Variants in ARL15 observed in about 807,000 individuals in gnomAD.
The protein encoded by ARL15 is ARF like GTPase 15, also known as ADP-ribosylation factor-like protein 15.
A neutral mutation model predicts 25.2 loss-of-function variants in ARL15; 19 were observed. The observed-to-expected ratio is 0.75, with a 90% CI of 0.53 to 1.10. The LOEUF (loss-of-function observed/expected upper bound fraction) is 1.10. Among genes scored for constraint, ARL15 ranks in the 50% least tolerant of loss-of-function variants. ARL15 has a pLI of 0.00. For missense variants in ARL15, 220 were observed against 246.0 expected (o/e 0.89, Z 0.71); for synonymous variants, 94 against 86.8 (o/e 1.08, Z -0.46).
chr5:54,169,303 A>G (rs918268850), intron 2 of ARL15, among the ~76,000 whole-genome samples: 13 of 152,200 alleles, frequency 8.5e-5, no homozygotes, highest in African/African-American at 3.1e-4. Context: ...GATTGAAAAG[A>G]CTTAAGCTAA....
chr5:54,306,013 T>A (rs1271214883), intron 1 of ARL15, among the ~76,000 whole-genome samples: 1 of 151,990 alleles, frequency 6.6e-6, no homozygotes, highest in African/African-American at 2.4e-5. Flanking sequence ...AAGAAGCACA[T>A]CAGAAGCTAC....
intron 4 of ARL15, among the ~76,000 whole-genome samples, chr5:54,102,037 G>C (rs1752453101): frequency 7.0e-6 from 1 of 142,512 alleles, no homozygotes; most frequent in Non-Finnish European, 1.5e-5. Context: ...TTTTGAGACA[G>C]AGTCTCACTC....
chr5:54,254,081 T>A (rs1757307198), intron 1 of ARL15, among the ~76,000 whole-genome samples: 1 of 152,232 alleles, frequency 6.6e-6, no homozygotes, highest in Non-Finnish European at 1.5e-5. Context: ...CTATTCTGCA[T>A]AAATTTTCTT....
At chr5:54,305,265 C>T (rs1423323957) in intron 1 of ARL15, among the ~76,000 whole-genome samples, 2 of 152,024 alleles carry the variant, frequency 1.3e-5, no homozygotes, top group Admixed American at 6.6e-5. Flanking sequence ...TTTGGGAGGT[C>T]GAGGCAGGTG....
At chr5:54,270,805 C>T (rs1158990669) in intron 1 of ARL15, among the ~76,000 whole-genome samples, 2 of 152,180 alleles carry the variant, frequency 1.3e-5, no homozygotes, top group Non-Finnish European at 2.9e-5. Flanking sequence ...ATCTAGAAAC[C>T]TGTAAGGCAT....
chr5:53,943,629 C>T (rs1164962517), intron 4 of ARL15, among the ~76,000 whole-genome samples: 2 of 152,128 alleles, frequency 1.3e-5, no homozygotes, highest in African/African-American at 4.8e-5. Flanking sequence ...GATGAGGTTT[C>T]ACAGGTGGTA....
intron 3 of ARL15, among the ~76,000 whole-genome samples, chr5:54,153,179 T>A (rs530058960): frequency 6.6e-6 from 1 of 152,344 alleles, no homozygotes; most frequent in African/African-American, 2.4e-5. Context: ...GTAATATTAT[T>A]GTCACCAAGG....
intron 4 of ARL15, among the ~76,000 whole-genome samples, chr5:53,965,312 G>T (rs1747516791): frequency 6.6e-6 from 1 of 152,228 alleles, no homozygotes; most frequent in Admixed American, 6.5e-5. Context: ...GGTGGAAGAA[G>T]ATAAGTGGAA....
At chr5:54,061,073 T>C (rs1751047741) in intron 4 of ARL15, among the ~76,000 whole-genome samples, 2 of 151,982 alleles carry the variant, frequency 1.3e-5, no homozygotes, top group African/African-American at 4.8e-5. Context: ...ATGTCAGAGG[T>C]CTTCATGATA....
At chr5:54,060,422 G>C (rs71619989) in intron 4 of ARL15, among the ~76,000 whole-genome samples, 2,067 of 152,270 alleles carry the variant, frequency 0.014, 13 homozygotes, top group Admixed American at 0.021. Context: ...GCTACAGAGC[G>C]AGACACTGTA....
intron 4 of ARL15, among the ~76,000 whole-genome samples, chr5:54,090,860 G>A (rs184239855): frequency 1.3e-5 from 2 of 152,054 alleles, no homozygotes; most frequent in Non-Finnish European, 2.9e-5. Flanking sequence ...AACCACAAGG[G>A]GCTATAACAA....
intron 1 of ARL15, among the ~76,000 whole-genome samples, chr5:54,195,177 T>C (rs1755516677): frequency 6.6e-6 from 1 of 152,176 alleles, no homozygotes; most frequent in South Asian, 2.1e-4. Context: ...GTTGCTAATG[T>C]ACTATGTACT....
chr5:54,080,281 G>A (rs1751753856), intron 4 of ARL15, among the ~76,000 whole-genome samples: 1 of 152,148 alleles, frequency 6.6e-6, no homozygotes, highest in Non-Finnish European at 1.5e-5. Flanking sequence ...AGAGTTGAAA[G>A]GATTAGAGAC....
intron 1 of ARL15, among the ~76,000 whole-genome samples, chr5:54,281,848 G>C (rs927734147): frequency 2.6e-5 from 4 of 152,174 alleles, no homozygotes; most frequent in African/African-American, 9.7e-5. Context: ...CATTGTTTGT[G>C]AGATACATCC....
At chr5:54,061,611 A>C (rs1373413008) in intron 4 of ARL15, among the ~76,000 whole-genome samples, 1 of 152,178 alleles carries the variant, frequency 6.6e-6, no homozygotes, top group Non-Finnish European at 1.5e-5. Flanking sequence ...AAAAAAATAA[A>C]AAGTAAAATA....
At chr5:54,049,410 A>C (rs967226554) in intron 4 of ARL15, among the ~76,000 whole-genome samples, 4 of 151,918 alleles carry the variant, frequency 2.6e-5, no homozygotes, top group Non-Finnish European at 5.9e-5. Flanking sequence ...CCAGCACTAT[A>C]CATAGGTATC....
intron 4 of ARL15, among the ~76,000 whole-genome samples, chr5:54,054,566 G>A (rs1160337772): frequency 3.3e-5 from 5 of 152,128 alleles, no homozygotes; most frequent in Admixed American, 6.6e-5. Context: ...CGAGGCGGGC[G>A]GACCACAAGG....
chr5:54,037,697 T>A (rs1334782249), intron 4 of ARL15, among the ~76,000 whole-genome samples: 1 of 152,106 alleles, frequency 6.6e-6, no homozygotes, highest in Admixed American at 6.6e-5. Flanking sequence ...AATAATGAAA[T>A]GCTTAAGTAC....
chr5:53,901,491 T>C (rs1745061891), intron 4 of ARL15, among the ~76,000 whole-genome samples: 1 of 152,204 alleles, frequency 6.6e-6, no homozygotes, highest in African/African-American at 2.4e-5. Context: ...ACCAATTAGC[T>C]TGTCTGAAAC....
Sources: gnomAD v4.1 joint callset for allele counts (sites outside exome capture counted in the v4.1 genomes callset) on GRCh38, gnomAD v4.1.1 for gene constraint, MANE v1.5 for transcripts, NCBI Gene and HGNC (gene_info 2026-07-23, HGNC 2026-07-21) for gene names.